DIAPH2: variants seen among roughly 807,000 people sequenced by gnomAD.
DIAPH2 encodes the protein protein diaphanous homolog 2.
Under a neutral mutation model 92.7 loss-of-function variants are expected in DIAPH2, and 35 were observed. The observed-to-expected ratio is 0.38, with a 90% CI of 0.29 to 0.50. The LOEUF (loss-of-function observed/expected upper bound fraction) is 0.50, where lower values mean the gene tolerates loss of function less well. DIAPH2 is among the 20% of genes least tolerant of loss of function. The probability of loss-of-function intolerance (pLI) is 0.94; values close to 1 mark genes in which losing one functional copy is unlikely to be tolerated. For synonymous variants in DIAPH2, 301 were observed against 280.4 expected, an observed-to-expected ratio of 1.07 and a Z score of -0.73; for missense variants, 701 against 819.5, an observed-to-expected ratio of 0.86 and a Z score of 1.77.
intron 22 of DIAPH2, among the ~76,000 whole-genome samples, chrX:97,225,620 A>C (rs1453443934): frequency 9.0e-6 from 1 of 111,685 alleles, no homozygotes; most frequent in Non-Finnish European, 1.9e-5. Flanking sequence ...TAGAAATGTT[A>C]ACTTCATGTT....
At chrX:97,586,640 A>G (rs2071481311) in intron 26 of DIAPH2, among the ~76,000 whole-genome samples, 1 of 111,647 alleles carries the variant, frequency 9.0e-6, no homozygotes, top group South Asian at 3.8e-4. Flanking sequence ...TCCTCACAGC[A>G]TCTCCTTTTC....
At chrX:97,145,020 C>T (rs2067235058) in intron 22 of DIAPH2, among the ~76,000 whole-genome samples, 1 of 111,927 alleles carries the variant, frequency 8.9e-6, no homozygotes, top group Non-Finnish European at 1.9e-5. Flanking sequence ...CCGCCTTGGC[C>T]TCCCAAAGTG....
In DIAPH2 at chrX:96,755,116, C is replaced by A. The variant is rs774139313; in HGVS notation, c.343-3038C>A. Among the ~76,000 whole-genome samples the A allele has an allele frequency of 5.5e-5, 6 of 109,078 alleles. No homozygotes were observed. The South Asian group carries it at 2.4e-3, about 44-fold the overall frequency. 94.7% of individuals were successfully genotyped at this position (109,078 alleles called of 115,157 possible). On this transcript the variant is annotated intron_variant, in intron 3 of 26. Transcript: ENST00000324765. ...AGTAAGTCATTAACAAGTAAAATATCCAAATGAGAAATAACATTAGATAGA... is the reference window on the plus strand; with the variant it reads ...AGTAAGTCATTAACAAGTAAAATATACAAATGAGAAATAACATTAGATAGA...
chrX:97,594,952 T>C (rs780752314), intron 26 of DIAPH2, among the ~76,000 whole-genome samples: 1 of 111,296 alleles, frequency 9.0e-6, no homozygotes, highest in African/African-American at 3.3e-5. Flanking sequence ...ATAACAGTTT[T>C]TTTCAATCCC....
intron 25 of DIAPH2, among the ~76,000 whole-genome samples, chrX:97,391,406 C>A (rs767253498): frequency 1.8e-5 from 2 of 111,539 alleles, no homozygotes; most frequent in East Asian, 5.6e-4. Flanking sequence ...ACATTGTAAT[C>A]TTCTCTTCCA....
chrX:97,087,522 T>C (rs1602332842), intron 19 of DIAPH2, among the ~76,000 whole-genome samples: 1 of 111,805 alleles, frequency 8.9e-6, no homozygotes, highest in South Asian at 3.7e-4. Context: ...AAAAATTCTT[T>C]TGGGTTTCAG....
At chrX:97,232,256 A>G (rs959288228) in intron 22 of DIAPH2, among the ~76,000 whole-genome samples, 1 of 111,383 alleles carries the variant, frequency 9.0e-6, no homozygotes. Context: ...TATTGTTAAG[A>G]CAGAGTCTCG....
At chrX:96,711,803 C>G (rs1347796247) in intron 1 of DIAPH2, among the ~76,000 whole-genome samples, 2 of 110,489 alleles carry the variant, frequency 1.8e-5, no homozygotes, top group Non-Finnish European at 1.9e-5. Flanking sequence ...TCTGCTGTTG[C>G]TGTGTTTATC....
intron 23 of DIAPH2, among the ~76,000 whole-genome samples, chrX:97,315,736 G>A (rs1431645546): frequency 1.8e-5 from 2 of 108,946 alleles, no homozygotes. Context: ...CATCTGAGTT[G>A]AAATTTTAGT....
intron 15 of DIAPH2, among the ~76,000 whole-genome samples, chrX:96,952,010 C>T (rs16982250): frequency 0.032 from 3,564 of 111,149 alleles, 161 homozygotes; most frequent in African/African-American, 0.11. Flanking sequence ...TTTTGCCTTT[C>T]GAAGTATGAA....
chrX:96,715,091 T>A (rs1448563445), intron 1 of DIAPH2, among the ~76,000 whole-genome samples: 2 of 112,357 alleles, frequency 1.8e-5, no homozygotes, highest in African/African-American at 3.2e-5. Context: ...TTCTCTTAAA[T>A]GCCATGAATG....
chrX:97,535,521 G>A (rs920905393), intron 26 of DIAPH2, among the ~76,000 whole-genome samples: 12 of 110,993 alleles, frequency 1.1e-4, no homozygotes, highest in Middle Eastern at 4.6e-3. Context: ...GCATGATCTC[G>A]GCTCACTGCA....
intron 25 of DIAPH2, among the ~76,000 whole-genome samples, chrX:97,392,493 G>T (rs1483159300): frequency 9.0e-6 from 1 of 111,664 alleles, no homozygotes; most frequent in Non-Finnish European, 1.9e-5. Flanking sequence ...AAATCAGTGA[G>T]GTCTGGTAAA....
chrX:96,804,730 C>G (rs1387591150), intron 4 of DIAPH2, among the ~76,000 whole-genome samples: 1 of 110,375 alleles, frequency 9.1e-6, no homozygotes, highest in Non-Finnish European at 1.9e-5. Context: ...TTTAGTGTTC[C>G]AAAAATAAAA....
At chrX:97,009,787 G>A (rs1449941838) in intron 17 of DIAPH2, among the ~76,000 whole-genome samples, 1 of 111,644 alleles carries the variant, frequency 9.0e-6, no homozygotes, top group Non-Finnish European at 1.9e-5. Context: ...GTCCTTCTGT[G>A]GCTGAGCTGG....
intron 26 of DIAPH2, among the ~76,000 whole-genome samples, chrX:97,534,849 A>G (rs1021102321): frequency 8.9e-6 from 1 of 112,111 alleles, no homozygotes; most frequent in African/African-American, 3.2e-5. Flanking sequence ...CATTAGAGAT[A>G]GTGATAAGAC....
intron 21 of DIAPH2, among the ~76,000 whole-genome samples, chrX:97,130,117 G>T (rs957491236): frequency 8.9e-6 from 1 of 112,224 alleles, no homozygotes; most frequent in Non-Finnish European, 1.9e-5. Flanking sequence ...ACAAGTGTTG[G>T]CAAGGATGTG....
At chrX:97,112,776 T>C (rs2066990708) in intron 20 of DIAPH2, among the ~76,000 whole-genome samples, 2 of 69,081 alleles carry the variant, frequency 2.9e-5, no homozygotes, top group African/African-American at 1.2e-4. Flanking sequence ...TTTTTTTTTT[T>C]TTTTTTTTTT....
At chrX:96,871,469 C>CAA (rs34852539) in intron 4 of DIAPH2, among the ~76,000 whole-genome samples, 11,346 of 28,626 alleles carry the variant, frequency 0.4, 2,666 homozygotes, top group African/African-American at 0.6. Flanking sequence ...GACTCCGTCT[C>CAA]AAAAAAAAAA....
Sources: allele counts gnomAD v4.1 joint callset (sites outside exome capture counted in the v4.1 genomes callset), GRCh38; gene constraint gnomAD v4.1.1; transcripts MANE v1.5; gene names NCBI Gene and HGNC (gene_info 2026-07-23, HGNC 2026-07-21).